ADCY2: variants seen among roughly 807,000 people sequenced by gnomAD.
The protein encoded by ADCY2 is adenylate cyclase type 2.
A neutral mutation model predicts 125.2 loss-of-function variants in ADCY2; 31 were observed. The ratio of observed to expected loss-of-function variants is 0.25; its 90% confidence interval spans 0.19 to 0.33. ADCY2 has a LOEUF of 0.33. ADCY2 is among the 10% of genes least tolerant of loss of function. ADCY2 has a pLI of 1.00. For missense variants in ADCY2, 904 were observed against 1,418.2 expected, an observed-to-expected ratio of 0.64 and a Z score of 5.82; for synonymous variants, 512 against 548.4, an observed-to-expected ratio of 0.93 and a Z score of 0.93.
intron 4 of ADCY2, among the ~76,000 whole-genome samples, chr5:7,665,344 G>C (rs1561153910): frequency 1.3e-5 from 2 of 152,124 alleles, no homozygotes; most frequent in East Asian, 3.9e-4. Flanking sequence ...ATAACAGCCA[G>C]ACCTTTCAAT....
chr5:7,399,355 G>T (rs1009187039), intron 1 of ADCY2, among the ~76,000 whole-genome samples: 1 of 152,158 alleles, frequency 6.6e-6, no homozygotes, highest in Admixed American at 6.5e-5. Context: ...AATTGCCTTT[G>T]TAGAAGTGAT....
chr5:7,706,704 G>A lies in ADCY2; in HGVS notation c.1110-40G>A, dbSNP rs773017728. 6.8e-6 allele frequency: 11 copies of A among 1,607,188 alleles called. No homozygotes were observed. In the South Asian group the frequency reaches 1.2e-4, roughly 18 times the overall value. ...TTGGCCAAGAGTTAAAGGAAACAGTGGATGTTACTTGATCATGATCTTACT... is the reference window on the plus strand; with the variant it reads ...TTGGCCAAGAGTTAAAGGAAACAGTAGATGTTACTTGATCATGATCTTACT... On this transcript the variant is annotated intron_variant, in intron 7 of 24. Transcript: ENST00000338316.
intron 5 of ADCY2, 61 bp from the exon 6 acceptor site, chr5:7,695,691 A>T: frequency 1.0e-6 from 1 of 993,694 alleles, no homozygotes; most frequent in Non-Finnish European, 1.5e-6. Context: ...AATTATTATT[A>T]CTTTCTTAAA....
chr5:7,671,575 G>A (rs1441517015), intron 4 of ADCY2, among the ~76,000 whole-genome samples: 1 of 152,114 alleles, frequency 6.6e-6, no homozygotes, highest in Non-Finnish European at 1.5e-5. Flanking sequence ...GGAGACATCC[G>A]TGACAGCATA....
In ADCY2 at chr5:7,828,550, T is replaced by C. The variant is rs760167450; in HGVS notation, c.*1679T>C. The C allele has an allele frequency of 6.6e-6, 1 of 152,342 alleles. No individual in the cohort carries two copies. Among genetic ancestry groups the C allele is most frequent in the Non-Finnish European group, 1.5e-5 (1 of 68,044 alleles). The allele number at this position is 152,342 out of a possible 1,614,324, so 9.4% of individuals were successfully genotyped here. On this transcript the variant is annotated 3_prime_UTR_variant, in exon 25 of 25. Transcript: ENST00000338316. The stretch of plus-strand genomic sequence containing the variant: ...CCCAGTAAAAGGCACTTATCGAAGC[T>C]GATAACCGTCCTTCATCACCGAAGT...
At chr5:7,587,394 C>T (rs527952459) in intron 3 of ADCY2, among the ~76,000 whole-genome samples, 47 of 152,286 alleles carry the variant, frequency 3.1e-4, no homozygotes, top group Admixed American at 2.7e-3. Context: ...TGCTTGATGA[C>T]GCATAGCGTT....
chr5:7,632,404 A>G (rs1738345525), intron 4 of ADCY2, among the ~76,000 whole-genome samples: 1 of 151,942 alleles, frequency 6.6e-6, no homozygotes, highest in Admixed American at 6.5e-5. Flanking sequence ...ACTTCCATCC[A>G]TCTTGGTCAT....
chr5:7,802,467 C>T lies in ADCY2; in HGVS notation c.2775+103C>T. 7.5e-7 allele frequency: 1 copy of T among 1,342,084 alleles called. No individual in the cohort carries two copies. The highest frequency in any genetic ancestry group is 1.0e-6 in the Non-Finnish European group (1 of 995,182). The allele number at this position is 1,342,084 out of a possible 1,614,324, so 83.1% of individuals were successfully genotyped here. On this transcript the variant is annotated intron_variant, in intron 21 of 24. Transcript: ENST00000338316. The surrounding 1 kb of genome is among the most constrained non-coding windows in gnomAD (Gnocchi z 4.6). ...AGTGGCCTATCCCAAAAAAACTTGT[C>T]CTTTGGCATAATTTCTGGCAGATGG...
chr5:7,738,273 T>G (rs1742305974), intron 14 of ADCY2, among the ~76,000 whole-genome samples: 1 of 152,078 alleles, frequency 6.6e-6, no homozygotes, highest in South Asian at 2.1e-4. Flanking sequence ...GGCACAATAT[T>G]AATGCCAAAT....
chr5:7,718,145 A>ATTTTTTTTTT (rs59353850), intron 12 of ADCY2, among the ~76,000 whole-genome samples: 1 of 115,414 alleles, frequency 8.7e-6, no homozygotes. Context: ...CCTGTTTTAG[A>ATTTTTTTTTT]TTTTTTTTTT....
rs1458537722 is a variant in ADCY2, at chr5:7,690,852, G to A, written c.869+13G>A. On this transcript the variant is annotated intron_variant, in intron 5 of 24. Coordinates refer to ENST00000338316, the MANE Select transcript of ADCY2 (RefSeq NM_020546.3). ...ATACAAACGTGAGGTACGACGCTAT[G>A]CTTGCTCCTTGGCTGGTCTGGGAGT... 1 of 1,546,150 alleles carries A rather than the reference G, an allele frequency of 6.5e-7. No individual in the cohort carries two copies. The highest frequency in any genetic ancestry group is 2.0e-5 in the Admixed American group (1 of 49,512).
chr5:7,444,182 C>A (rs550954647), intron 2 of ADCY2, among the ~76,000 whole-genome samples: 7 of 146,294 alleles, frequency 4.8e-5, no homozygotes, highest in African/African-American at 1.8e-4. Context: ...GGCGGGATCT[C>A]GGCTCACTGC....
intron 4 of ADCY2, among the ~76,000 whole-genome samples, chr5:7,635,356 G>C (rs959154932): frequency 6.6e-6 from 1 of 152,166 alleles, no homozygotes; most frequent in Non-Finnish European, 1.5e-5. Context: ...GCTTGGGTGA[G>C]AGTGGACAGA....
At position 7,709,227 on chromosome 5, in the gene ADCY2, C is replaced by A; in HGVS notation, c.1418C>A (p.Pro473His). 6.2e-7 allele frequency: 1 copy of A among 1,611,398 alleles called. No individual in the cohort carries two copies. The highest frequency in any genetic ancestry group is 8.5e-7 in the Non-Finnish European group (1 of 1,178,780). Residue 473 changes from proline to histidine, a missense_variant, in exon 10 of 25, where the codon CCC becomes CAC. By Grantham distance (77) the Pro-to-His change is moderately conservative (BLOSUM62 -2). Coordinates refer to ENST00000338316, the MANE Select transcript of ADCY2 (RefSeq NM_020546.3). This position sits in a 1 kb window ranked among gnomAD's most constrained non-coding sequence, Gnocchi z 4.4. The part of the protein sequence containing the change: ...VINPKGERRS[P>H]QHLFRPRHTL... ...CACCCCAAGGGAGAACGACGGAGCC[C>A]CCAGCATCTCTTCAGACCTCGCCAC...
rs545279514 is a variant in ADCY2 at position 7,818,847 on chromosome 5, T to TAA, written c.2999-1710_2999-1709dup. Among the ~76,000 whole-genome samples the TAA allele has an allele frequency of 4.0e-4, 60 of 150,630 alleles. 1 individual carries two copies. Among genetic ancestry groups the TAA allele is most frequent in the Non-Finnish European group, 6.1e-4 (41 of 67,520 alleles). ...ATTTTGCTACTATACCTCTTTAAAATAAAAAAAAATGTATTACATGGGTGT... is the reference window on the plus strand; with the variant it reads ...ATTTTGCTACTATACCTCTTTAAAATAAAAAAAAAAATGTATTACATGGGTGT... On this transcript the variant is annotated intron_variant, in intron 23 of 24. Coordinates refer to ENST00000338316, the MANE Select transcript of ADCY2 (RefSeq NM_020546.3).
At chr5:7,553,911 A>G (rs1350104609) in intron 3 of ADCY2, among the ~76,000 whole-genome samples, 3 of 152,202 alleles carry the variant, frequency 2.0e-5, no homozygotes, top group Non-Finnish European at 4.4e-5. Flanking sequence ...TATGGAAAGG[A>G]AAATGTGAGG....
chr5:7,571,544 A>C (rs1736066022), intron 3 of ADCY2, among the ~76,000 whole-genome samples: 1 of 152,160 alleles, frequency 6.6e-6, no homozygotes, highest in Non-Finnish European at 1.5e-5. Context: ...ATGCATGCAC[A>C]CACCCAGAAT....
chr5:7,496,296 C>T (rs1387453921), intron 2 of ADCY2, among the ~76,000 whole-genome samples: 3 of 152,106 alleles, frequency 2.0e-5, no homozygotes, highest in Non-Finnish European at 4.4e-5. Context: ...ATAAAAATCG[C>T]TAACTCCAAA....
chr5:7,654,182 C>G (rs1232298610), intron 4 of ADCY2: 1 of 454,610 alleles, frequency 2.2e-6, no homozygotes, highest in Non-Finnish European at 4.4e-6. Flanking sequence ...GCGCATCCAG[C>G]GAGAGGAAAG....
Sources: gnomAD v4.1 joint callset for allele counts (sites outside exome capture counted in the v4.1 genomes callset) on GRCh38, gnomAD v4.1.1 for gene constraint, Gnocchi (gnomAD v3.1) non-coding constraint, MANE v1.5 for transcripts, NCBI Gene and HGNC (gene_info 2026-07-23, HGNC 2026-07-21) for gene names.